ARHGDIB: variants seen among roughly 807,000 people sequenced by gnomAD.
ARHGDIB encodes the protein rho GDP-dissociation inhibitor 2.
Under a neutral mutation model 22.6 loss-of-function variants are expected in ARHGDIB, and 20 were observed. That is an observed-to-expected ratio of 0.88 (90% CI 0.62 to 1.28). The LOEUF is 1.28. ARHGDIB is among the 50% of genes most tolerant of loss of function. The pLI is 0.00. For synonymous variants in ARHGDIB, 114 were observed against 96.1 expected, an observed-to-expected ratio of 1.19 and a Z score of -1.09; for missense variants, 254 against 245.4, an observed-to-expected ratio of 1.04 and a Z score of -0.23.
chr12:14,950,584 C>A lies in ARHGDIB; in HGVS notation c.129G>T (p.Glu43Asp), dbSNP rs745341011. ...GCGTTTTCTTGTACTTAATTAGACT[C>A]TCATCATCTTTGTCCATTTCCTGCA... Reference protein sequence around the residue: ...KELQEMDKDDESLIKYKKTLL... With the variant: ...KELQEMDKDDDSLIKYKKTLL... Residue 43 changes from glutamate to aspartate, a missense_variant, in exon 2 of 6, where the codon GAG becomes GAT. Physicochemically the swap from Glu to Asp is conservative, Grantham distance 45. Coordinates refer to ENST00000228945, the MANE Select transcript of ARHGDIB (RefSeq NM_001175.7). The A allele has an allele frequency of 1.9e-6, 3 of 1,614,008 alleles. No individual in the cohort carries two copies. The South Asian group carries it at 3.3e-5, about 18-fold the overall frequency.
In ARHGDIB at chr12:14,944,815, G is replaced by A. The variant is rs750809131; in HGVS notation, c.367C>T (p.Leu123=). ...CTGTAGGTGTGCTGAACGTATTTCA[G>A]GCCTGACACAATATCCCTGTTCACC... ...FKVNRDIVSG[L]KYVQHTYRTG... is the part of the protein sequence containing the mutation. The change falls in exon 5 of 6, where the codon CTG becomes TTG. Residue 123 remains leucine, a synonymous_variant. Transcript: ENST00000228945. The A allele has an allele frequency of 6.8e-6, 11 of 1,613,620 alleles. No homozygotes were observed. The highest frequency in any genetic ancestry group is 3.3e-5 in the Admixed American group (2 of 59,958).
rs753815503 is a variant in ARHGDIB at position 14,950,605 on chromosome 12, C to A, written c.108G>T (p.Gln36His). Residue 36 changes from glutamine to histidine, a missense_variant, in exon 2 of 6, where the codon CAG becomes CAT. By Grantham distance (24) the Gln-to-His change is conservative. Transcript: ENST00000228945. ...PPPQKSLKELQEMDKDDESLI... is the reference protein window; with the variant it reads ...PPPQKSLKELHEMDKDDESLI... ...GACTCTCATCATCTTTGTCCATTTC[C>A]TGCAGCTCTTTCAGGGACTTCTGTG... The A allele has an allele frequency of 2.5e-5, 41 of 1,614,036 alleles. No individual in the cohort carries two copies. The highest frequency in any genetic ancestry group is 3.5e-5 in the Non-Finnish European group (41 of 1,179,942).
At chr12:14,952,799 A>G (rs58147853) in intron 1 of ARHGDIB, among the ~76,000 whole-genome samples, 2 of 152,222 alleles carry the variant, frequency 1.3e-5, no homozygotes, top group African/African-American at 4.8e-5. Flanking sequence ...CCCAGCCCCC[A>G]TGGTCAGGCC....
intron 1 of ARHGDIB, 99 bp from the exon 2 acceptor site, chr12:14,950,823 C>G: frequency 1.1e-6 from 1 of 873,350 alleles, no homozygotes; most frequent in Non-Finnish European, 1.7e-6. Context: ...ATGGACTTCT[C>G]TGATCATCAG....
chr12:14,951,327 A>G (rs913838289), intron 1 of ARHGDIB, among the ~76,000 whole-genome samples: 1 of 152,156 alleles, frequency 6.6e-6, no homozygotes, highest in Admixed American at 6.5e-5. Context: ...CACACCCAAC[A>G]CTGCTAATCA....
intron 1 of ARHGDIB, among the ~76,000 whole-genome samples, chr12:14,953,535 C>T (rs920723090): frequency 6.6e-6 from 1 of 152,088 alleles, no homozygotes; most frequent in Non-Finnish European, 1.5e-5. Context: ...TCTAACTATA[C>T]CAAAAGGGCC....
intron 1 of ARHGDIB, among the ~76,000 whole-genome samples, chr12:14,958,250 A>G (rs1028021986): frequency 2.0e-5 from 3 of 152,184 alleles, no homozygotes; most frequent in Admixed American, 6.5e-5. Flanking sequence ...CCCTGGTGAC[A>G]TGGAGGAATC....
chr12:14,957,180 G>A (rs1180580688), intron 1 of ARHGDIB, among the ~76,000 whole-genome samples: 1 of 152,212 alleles, frequency 6.6e-6, no homozygotes, highest in Non-Finnish European at 1.5e-5. Flanking sequence ...CAATCAAGTT[G>A]CTAATTTCAC....
chr12:14,960,412 G>A (rs541657285), intron 1 of ARHGDIB, among the ~76,000 whole-genome samples: 2 of 152,222 alleles, frequency 1.3e-5, no homozygotes, highest in South Asian at 2.1e-4. Context: ...GGGCCCCCTT[G>A]AATTTTTCTC....
intron 1 of ARHGDIB, among the ~76,000 whole-genome samples, chr12:14,954,092 C>T (rs3790000): frequency 0.016 from 2,368 of 152,200 alleles, 53 homozygotes; most frequent in African/African-American, 0.052. Context: ...AATTGTCTTG[C>T]CTCAGCCTTC....
At chr12:14,959,044 C>T (rs997633753) in intron 1 of ARHGDIB, among the ~76,000 whole-genome samples, 1 of 152,134 alleles carries the variant, frequency 6.6e-6, no homozygotes, top group African/African-American at 2.4e-5. Context: ...ATCACCTGAG[C>T]CTCAGGAGGT....
At chr12:14,945,389 A>G (rs1863989393) in intron 4 of ARHGDIB, among the ~76,000 whole-genome samples, 2 of 152,252 alleles carry the variant, frequency 1.3e-5, no homozygotes, top group African/African-American at 4.8e-5. Context: ...ATTCACTTGT[A>G]TCTGGCAAGT....
chr12:14,953,399 C>G (rs1220614187), intron 1 of ARHGDIB, among the ~76,000 whole-genome samples: 1 of 152,066 alleles, frequency 6.6e-6, no homozygotes, highest in Non-Finnish European at 1.5e-5. Context: ...TCAGAGAAAG[C>G]CTTTTAAAGT....
chr12:14,955,127 T>C (rs1483202393), intron 1 of ARHGDIB, among the ~76,000 whole-genome samples: 3 of 152,218 alleles, frequency 2.0e-5, no homozygotes, highest in Admixed American at 6.5e-5. Context: ...ATAATAGTAA[T>C]AGCAAATTGT....
chr12:14,943,196 T>C (rs1245301989), intron 5 of ARHGDIB, among the ~76,000 whole-genome samples: 2 of 152,184 alleles, frequency 1.3e-5, no homozygotes, highest in Non-Finnish European at 2.9e-5. Context: ...AAAATTATTC[T>C]TTAAAACATT....
At chr12:14,954,178 CA>C (rs1864248274) in intron 1 of ARHGDIB, among the ~76,000 whole-genome samples, 1 of 152,090 alleles carries the variant, frequency 6.6e-6, no homozygotes, top group African/African-American at 2.4e-5. Flanking sequence ...AGGGTTTCCC[CA>C]TTTTGCCCAG....
rs201666982 is a variant in ARHGDIB, at chr12:14,942,591, G to A, written c.537C>T (p.Thr179=). The A allele has an allele frequency of 1.5e-5, 24 of 1,614,056 alleles. No homozygotes were observed. The highest frequency in any genetic ancestry group is 1.2e-4 in the South Asian group (11 of 91,088). ...RGTYHNKSFF[T]DDDKQDHLSW... Reference sequence around the variant, plus strand: ...TGAGGTGGTCTTGCTTGTCATCGTCGGTGAAGAAGGACTTGTTGTGGTACG... The same window carrying A: ...TGAGGTGGTCTTGCTTGTCATCGTCAGTGAAGAAGGACTTGTTGTGGTACG... Residue 179 remains threonine (T), a synonymous_variant, in exon 6 of 6, where the codon ACC becomes ACT. Transcript: ENST00000228945.
chr12:14,942,114 A>T lies in ARHGDIB; in HGVS notation c.*408T>A, dbSNP rs1592282818. On this transcript the variant is annotated 3_prime_UTR_variant, in exon 6 of 6. Transcript: ENST00000228945. The stretch of plus-strand genomic sequence containing the variant: ...AGAACTCCCTCTGGCAGGGGATGTG[A>T]CTAGGGACTCATTGGGCCAGCAACA... 2 of 205,316 alleles carry T rather than the reference A, an allele frequency of 9.7e-6. No homozygotes were observed. Among genetic ancestry groups the T allele is most frequent in the East Asian group, 2.4e-4 (2 of 8,452 alleles). 12.7% of individuals were successfully genotyped at this position (205,316 alleles called of 1,614,324 possible).
chr12:14,944,855 A>G lies in ARHGDIB; in HGVS notation c.343-16T>C. ...CCCTGTTCACCTGCAGGTGGGAAGG[A>G]ACCAAGATGTTCAGATTAAGAGGGT... is the stretch of plus-strand genomic sequence containing the variant. On this transcript the variant is annotated splice_polypyrimidine_tract_variant and intron_variant, in intron 4 of 5. Transcript: ENST00000228945. 1 of 1,611,596 alleles carries G rather than the reference A, an allele frequency of 6.2e-7. No homozygotes were observed. The highest frequency in any genetic ancestry group is 8.5e-7 in the Non-Finnish European group (1 of 1,178,408).
Sources: gnomAD v4.1 joint callset for allele counts (sites outside exome capture counted in the v4.1 genomes callset) on GRCh38, gnomAD v4.1.1 for gene constraint, MANE v1.5 for transcripts, NCBI Gene and HGNC (gene_info 2026-07-23, HGNC 2026-07-21) for gene names.